Variants in SPECC1L observed in about 807,000 individuals in gnomAD.
SPECC1L encodes cytospin-A.
SPECC1L carries 40 observed loss-of-function variants against 116.8 expected under a neutral mutation model. The observed-to-expected ratio is 0.34, with a 90% CI of 0.27 to 0.45. SPECC1L has a LOEUF of 0.45. Among genes scored for constraint, SPECC1L ranks in the 20% least tolerant of loss-of-function variants. The pLI, the probability that SPECC1L is intolerant of heterozygous loss-of-function variation, is 1.00. For missense variants in SPECC1L, 1,110 were observed against 1,373.6 expected (o/e 0.81, Z 3.03); for synonymous variants, 504 against 500.6 (o/e 1.01, Z -0.09).
chr22:24,363,403 C>T (rs1022247188), intron 12 of SPECC1L, 59 bp downstream of exon 12: 2 of 1,417,582 alleles, frequency 1.4e-6, no homozygotes, highest in African/African-American at 2.8e-5. Flanking sequence ...CAGGATCTCA[C>T]TATGTTGCCC....
At chr22:24,396,517 C>T (rs186086904) in intron 14 of SPECC1L, among the ~76,000 whole-genome samples, 343 of 152,074 alleles carry the variant, frequency 2.3e-3, no homozygotes, top group Non-Finnish European at 4.2e-3. Context: ...AGGCTGGTCT[C>T]GAACTCCTGA....
intron 14 of SPECC1L, among the ~76,000 whole-genome samples, chr22:24,405,829 ACT>A (rs778106524): frequency 5.4e-5 from 7 of 129,960 alleles, no homozygotes; most frequent in African/African-American, 8.8e-5. Context: ...ACAGAGCGAG[ACT>A]CTGCCTCAAA....
rs993203521 is a variant in SPECC1L, at chr22:24,416,681, T to G, written c.*2058T>G. On this transcript the variant is annotated 3_prime_UTR_variant, in exon 17 of 17. Coordinates refer to ENST00000314328, the MANE Select transcript of SPECC1L (RefSeq NM_015330.6). Reference sequence around the variant, plus strand: ...CTTCCCCTGGTCTGCAGTTCCCAACTTTATCCCTTGCTGGCCATGCGAGCC... The same window carrying G: ...CTTCCCCTGGTCTGCAGTTCCCAACGTTATCCCTTGCTGGCCATGCGAGCC... The G allele has an allele frequency of 9.9e-5, 15 of 152,280 alleles. No homozygotes were observed. Among genetic ancestry groups the G allele is most frequent in the African/African-American group, 3.6e-4 (15 of 41,464 alleles). The allele number at this position is 152,280 out of a possible 1,614,324, so 9.4% of individuals were successfully genotyped here.
intron 14 of SPECC1L, among the ~76,000 whole-genome samples, chr22:24,371,706 CATTGATTG>C (rs534337556): frequency 2.6e-5 from 4 of 152,082 alleles, no homozygotes; most frequent in Non-Finnish European, 4.4e-5. Flanking sequence ...AGGGGATTGA[CATTGATTG>C]ATTGATTGAT....
intron 8 of SPECC1L, among the ~76,000 whole-genome samples, chr22:24,330,678 C>T (rs1467656100): frequency 6.6e-6 from 1 of 152,174 alleles, no homozygotes; most frequent in Non-Finnish European, 1.5e-5. Flanking sequence ...TGGTCTCTCA[C>T]ATGATTCTCC....
intron 3 of SPECC1L, among the ~76,000 whole-genome samples, chr22:24,305,308 T>G (rs1344138990): frequency 1.3e-5 from 2 of 152,160 alleles, no homozygotes; most frequent in African/African-American, 4.8e-5. Flanking sequence ...CCTCAGAAGC[T>G]TCCACCGTGC....
chr22:24,382,650 C>T (rs1428194416), intron 14 of SPECC1L, among the ~76,000 whole-genome samples: 1 of 142,638 alleles, frequency 7.0e-6, no homozygotes, highest in East Asian at 2.1e-4. Flanking sequence ...TGCAGTGAGC[C>T]GAGATCATGC....
chr22:24,279,039 G>T (rs2048891036), intron 2 of SPECC1L, among the ~76,000 whole-genome samples: 2 of 152,164 alleles, frequency 1.3e-5, no homozygotes, highest in East Asian at 3.8e-4. Context: ...GTGTTGAAAG[G>T]TTCCGAAGGA....
chr22:24,344,871 C>T (rs761829431), intron 10 of SPECC1L, among the ~76,000 whole-genome samples: 15 of 151,716 alleles, frequency 9.9e-5, no homozygotes, highest in Non-Finnish European at 1.9e-4. Flanking sequence ...AAAATATTGC[C>T]GAGAAAAATT....
At chr22:24,402,710 G>A (rs147153958) in intron 14 of SPECC1L, among the ~76,000 whole-genome samples, 60 of 152,328 alleles carry the variant, frequency 3.9e-4, no homozygotes, top group African/African-American at 1.4e-3. Flanking sequence ...GCATGTGTCA[G>A]CAGAGAGATG....
intron 2 of SPECC1L, among the ~76,000 whole-genome samples, chr22:24,287,821 G>C (rs890091832): frequency 1.2e-4 from 19 of 152,112 alleles, no homozygotes; most frequent in Admixed American, 2.0e-4. Flanking sequence ...ATGGGCCCTC[G>C]GGGTTTAGTT....
At chr22:24,343,617 T>G (rs2041227194) in intron 10 of SPECC1L, 2 of 286,900 alleles carry the variant, frequency 7.0e-6, no homozygotes, top group Non-Finnish European at 1.4e-5. Context: ...CGTACCATGG[T>G]GCCTGGCTAA....
intron 14 of SPECC1L, among the ~76,000 whole-genome samples, chr22:24,396,887 A>G (rs2042379128): frequency 6.6e-6 from 1 of 152,202 alleles, no homozygotes; most frequent in Non-Finnish European, 1.5e-5. Context: ...TGTAAAACAA[A>G]ACCCAAAAAA....
At chr22:24,385,042 C>A (rs2042134764) in intron 14 of SPECC1L, among the ~76,000 whole-genome samples, 2 of 140,628 alleles carry the variant, frequency 1.4e-5, no homozygotes, top group African/African-American at 5.3e-5. Flanking sequence ...CACCCTGGGG[C>A]ACAAAGCGAA....
chr22:24,316,859 G>T (rs1601542005), intron 4 of SPECC1L, among the ~76,000 whole-genome samples: 3 of 132,926 alleles, frequency 2.3e-5, no homozygotes, highest in East Asian at 2.4e-4. Flanking sequence ...GGGCGGCCGG[G>T]CAGAGGCGCC....
intron 14 of SPECC1L, among the ~76,000 whole-genome samples, chr22:24,382,161 C>T (rs1233723285): frequency 6.6e-6 from 1 of 152,122 alleles, no homozygotes; most frequent in East Asian, 1.9e-4. Context: ...TGGGGACTAA[C>T]CAAGGCAGCC....
chr22:24,290,462 T>C (rs1026422540), intron 2 of SPECC1L, among the ~76,000 whole-genome samples: 1 of 152,224 alleles, frequency 6.6e-6, no homozygotes, highest in African/African-American at 2.4e-5. Context: ...TAGTATAAAA[T>C]CTGTCTTTAA....
intron 6 of SPECC1L, among the ~76,000 whole-genome samples, 162 bp from the exon 7 acceptor site, chr22:24,328,684 G>A (rs573216186): frequency 1.3e-5 from 2 of 152,240 alleles, no homozygotes; most frequent in South Asian, 2.1e-4. Flanking sequence ...GTTATTACTT[G>A]AATTTAACAT....
intron 2 of SPECC1L, among the ~76,000 whole-genome samples, chr22:24,285,658 T>G (rs896938627): frequency 2.0e-5 from 3 of 149,578 alleles, no homozygotes; most frequent in Non-Finnish European, 3.0e-5. Flanking sequence ...GTTTTGTTTT[T>G]TTTGAGACGG....
Sources: gnomAD v4.1 joint callset for allele counts (sites outside exome capture counted in the v4.1 genomes callset) on GRCh38, gnomAD v4.1.1 for gene constraint, MANE v1.5 for transcripts, NCBI Gene and HGNC (gene_info 2026-07-23, HGNC 2026-07-21) for gene names.